The following CD9 variants were observed in gnomAD, a reference collection of about 807,000 sequenced individuals.
The protein encoded by CD9 is CD9 molecule.
CD9 carries 10 observed loss-of-function variants against 31.4 expected under a neutral mutation model. That is an observed-to-expected ratio of 0.32 (90% CI 0.20 to 0.54). The LOEUF is 0.54. Ranked by LOEUF, CD9 falls within the 20% of genes least tolerant of loss-of-function variation. The probability of loss-of-function intolerance (pLI) is 0.94; values close to 1 mark genes in which losing one functional copy is unlikely to be tolerated. For missense variants in CD9, 259 were observed against 300.1 expected (o/e 0.86, Z 1.01); for synonymous variants, 113 against 114.1 (o/e 0.99, Z 0.06).
intron 2 of CD9, among the ~76,000 whole-genome samples, chr12:6,226,112 G>A (rs759990525): frequency 6.6e-6 from 1 of 152,152 alleles, no homozygotes; most frequent in Non-Finnish European, 1.5e-5. Context: ...TATTTGACAC[G>A]ACTTTTGCTT....
intron 2 of CD9, among the ~76,000 whole-genome samples, chr12:6,231,233 G>T (rs905942587): frequency 9.2e-5 from 14 of 152,336 alleles, no homozygotes; most frequent in Middle Eastern, 3.4e-3. Context: ...TGTTACTCAT[G>T]CTTGGTATAA....
intron 7 of CD9, chr12:6,236,498 C>T (rs2136641703): frequency 1.7e-6 from 1 of 575,602 alleles, no homozygotes; most frequent in East Asian, 2.9e-5. Flanking sequence ...TCCCCCTGGG[C>T]TTCTAAAGAG....
At chr12:6,218,278 C>T (rs1946261652) in intron 1 of CD9, among the ~76,000 whole-genome samples, 1 of 152,048 alleles carries the variant, frequency 6.6e-6, no homozygotes, top group African/African-American at 2.4e-5. Context: ...AAGATGGGAC[C>T]TGGAGGAAAA....
rs992064680 is a variant in CD9, at chr12:6,225,430, C to A, written c.71C>A (p.Ala24Asp). The change falls in exon 2 of 8, where the codon GCC (alanine) becomes GAC (aspartate). Residue 24 changes from alanine to aspartate, a missense_variant. Transcript: ENST00000009180. The part of the protein sequence containing the change: ...LFGFNFIFWL[A>D]GIAVLAIGLW... The stretch of plus-strand genomic sequence containing the variant: ...GATGTCCTGTATGTCTTGCAGCTTG[C>A]CGGGATTGCTGTCCTTGCCATTGGA... 4.3e-6 allele frequency: 7 copies of A among 1,610,344 alleles called. No individual in the cohort carries two copies. The highest frequency in any genetic ancestry group is 1.3e-5 in the African/African-American group (1 of 74,826).
intron 1 of CD9, among the ~76,000 whole-genome samples, chr12:6,217,805 G>A (rs1255637199): frequency 6.6e-6 from 1 of 152,168 alleles, no homozygotes; most frequent in Non-Finnish European, 1.5e-5. Context: ...TCCCAAAGTG[G>A]TAGATATGGC....
chr12:6,223,778 C>T (rs562465399), intron 1 of CD9, among the ~76,000 whole-genome samples: 14 of 152,318 alleles, frequency 9.2e-5, no homozygotes, highest in African/African-American at 3.4e-4. Flanking sequence ...GGTCTGAATG[C>T]GAGTACCCTG....
chr12:6,203,730 A>C (rs948895712), intron 1 of CD9, among the ~76,000 whole-genome samples: 1 of 152,100 alleles, frequency 6.6e-6, no homozygotes, highest in South Asian at 2.1e-4. Context: ...GAGGGAAAAC[A>C]TCTTGCTGAT....
intron 1 of CD9, among the ~76,000 whole-genome samples, chr12:6,221,351 C>A (rs1946289821): frequency 6.6e-6 from 1 of 152,192 alleles, no homozygotes; most frequent in South Asian, 2.1e-4. Flanking sequence ...TCCCCGCATC[C>A]CCGCCCGACC....
chr12:6,219,453 A>AT, intron 1 of CD9, among the ~76,000 whole-genome samples: 1 of 151,594 alleles, frequency 6.6e-6, no homozygotes. Flanking sequence ...CTTCCTTAGT[A>AT]TTTACTCTGG....
chr12:6,200,839 CCTGAG>C (rs1946067018), intron 1 of CD9: 1 of 390,718 alleles, frequency 2.6e-6, no homozygotes, highest in Admixed American at 4.7e-5. Flanking sequence ...GCGGGAGGGT[CCTGAG>C]CACTTTAGCT....
At chr12:6,230,421 T>C (rs890709084) in intron 2 of CD9, among the ~76,000 whole-genome samples, 3 of 152,260 alleles carry the variant, frequency 2.0e-5, no homozygotes, top group Admixed American at 6.5e-5. Flanking sequence ...TCCAATTCCC[T>C]TGGCCTCTGC....
intron 1 of CD9, chr12:6,200,825 G>T (rs1260762610): frequency 4.8e-6 from 2 of 418,096 alleles, no homozygotes; most frequent in Non-Finnish European, 8.5e-6. Context: ...TTGAGATGAG[G>T]CGTGCGGGAG....
intron 1 of CD9, among the ~76,000 whole-genome samples, chr12:6,209,497 A>G (rs80104848): frequency 2.6e-5 from 4 of 152,084 alleles, no homozygotes; most frequent in Non-Finnish European, 2.9e-5. Flanking sequence ...CAATGTAAAC[A>G]TCTTCTTTCT....
intron 2 of CD9, among the ~76,000 whole-genome samples, chr12:6,231,391 TCA>T (rs1946445001): frequency 1.3e-5 from 2 of 152,272 alleles, no homozygotes; most frequent in South Asian, 4.1e-4. Flanking sequence ...TTCCCCAGAG[TCA>T]CAGATCTGGT....
At chr12:6,207,840 C>G (rs1005638634) in intron 1 of CD9, among the ~76,000 whole-genome samples, 2 of 152,220 alleles carry the variant, frequency 1.3e-5, no homozygotes, top group African/African-American at 4.8e-5. Flanking sequence ...AAATCAGAAA[C>G]CCGGGTCTTA....
intron 1 of CD9, among the ~76,000 whole-genome samples, chr12:6,210,765 T>G (rs1946185767): frequency 6.6e-6 from 1 of 151,904 alleles, no homozygotes; most frequent in South Asian, 2.1e-4. Context: ...ATTGGGGCTC[T>G]GCAGTCAGAC....
intron 1 of CD9, among the ~76,000 whole-genome samples, chr12:6,209,066 T>C (rs1480281104): frequency 1.3e-5 from 2 of 152,044 alleles, no homozygotes; most frequent in Non-Finnish European, 2.9e-5. Flanking sequence ...CCTCCCAGGT[T>C]CAAGTGATTC....
chr12:6,216,726 A>G (rs1361132213), intron 1 of CD9, among the ~76,000 whole-genome samples: 3 of 152,186 alleles, frequency 2.0e-5, no homozygotes, highest in East Asian at 1.9e-4. Context: ...TCCACTACCC[A>G]GCGCTCACAC....
chr12:6,218,269 A>G (rs1181870727), intron 1 of CD9, among the ~76,000 whole-genome samples: 1 of 152,108 alleles, frequency 6.6e-6, no homozygotes, highest in Non-Finnish European at 1.5e-5. Flanking sequence ...ATATTACAGA[A>G]GATGGGACCT....
Sources: gnomAD v4.1 joint callset for allele counts (sites outside exome capture counted in the v4.1 genomes callset) on GRCh38, gnomAD v4.1.1 for gene constraint, MANE v1.5 for transcripts, NCBI Gene and HGNC (gene_info 2026-07-23, HGNC 2026-07-21) for gene names.